ZNF704: variants seen among roughly 807,000 people sequenced by gnomAD.
ZNF704 encodes the protein glucocorticoid induced gene 1.
ZNF704 carries 10 observed loss-of-function variants against 44.7 expected under a neutral mutation model. The ratio of observed to expected loss-of-function variants is 0.22; its 90% CI spans 0.14 to 0.38. The LOEUF is 0.38. Among genes scored for constraint, ZNF704 ranks in the 10% least tolerant of loss-of-function variants. The pLI is 1.00. For missense variants in ZNF704, 390 were observed against 545.5 expected (o/e 0.71, Z 2.84); for synonymous variants, 211 against 207.6 (o/e 1.02, Z -0.14).
intron 4 of ZNF704, among the ~76,000 whole-genome samples, chr8:80,681,078 C>T (rs1818446053): frequency 2.0e-5 from 3 of 152,006 alleles, no homozygotes; most frequent in Admixed American, 2.0e-4. Flanking sequence ...TGAAGTATCC[C>T]ATTGTATGGT....
At chr8:80,846,525 G>T (rs1303394533) in intron 1 of ZNF704, among the ~76,000 whole-genome samples, 2 of 152,040 alleles carry the variant, frequency 1.3e-5, no homozygotes, top group African/African-American at 4.8e-5. Context: ...TTAAAGTCAA[G>T]CAACAGTCTT....
chr8:80,790,485 T>TAC (rs1202298812), intron 2 of ZNF704, among the ~76,000 whole-genome samples: 2 of 152,104 alleles, frequency 1.3e-5, no homozygotes, highest in African/African-American at 2.4e-5. Flanking sequence ...CCTATGTAAA[T>TAC]ACACACACAC....
intron 2 of ZNF704, among the ~76,000 whole-genome samples, chr8:80,803,322 A>C (rs1807933060): frequency 6.6e-6 from 1 of 152,212 alleles, no homozygotes; most frequent in Non-Finnish European, 1.5e-5. Context: ...TCTTCACAGA[A>C]TTAGAAAAAA....
chr8:80,698,482 A>T (rs1189954992), intron 2 of ZNF704, among the ~76,000 whole-genome samples: 1 of 152,180 alleles, frequency 6.6e-6, no homozygotes, highest in East Asian at 1.9e-4. Context: ...TCCATGCTCT[A>T]TAAGGGCTTT....
At position 80,850,801 on chromosome 8, in the gene ZNF704, G is replaced by A. The variant is rs144792122; in HGVS notation, c.-22+23770C>T. On this transcript the variant is annotated intron_variant, in intron 1 of 8. Coordinates refer to ENST00000327835, the MANE Select transcript of ZNF704 (RefSeq NM_001033723.3). Reference sequence around the variant, plus strand: ...CTATACTGCAAATACATGCATATGTGTTTGTTTCCCTTGCTTGACTGAAAC... The same window carrying A: ...CTATACTGCAAATACATGCATATGTATTTGTTTCCCTTGCTTGACTGAAAC... Among the ~76,000 whole-genome samples the A allele has an allele frequency of 1.3e-3, 203 of 152,230 alleles. 2 individuals carry two copies. Among genetic ancestry groups the A allele is most frequent in the African/African-American group, 4.0e-3 (168 of 41,528 alleles).
intron 2 of ZNF704, among the ~76,000 whole-genome samples, chr8:80,709,417 TTG>T (rs1394707318): frequency 7.8e-6 from 1 of 128,314 alleles, no homozygotes. Context: ...GCACTCCACC[TTG>T]GCAACAGTGC....
rs186964461 is a variant in ZNF704 at position 80,811,593 on chromosome 8, A to C, written c.221+9781T>G. Among the ~76,000 whole-genome samples, 284 of 152,374 alleles carry C rather than the reference A, an allele frequency of 1.9e-3. 1 individual carries two copies. Among genetic ancestry groups the C allele is most frequent in the Non-Finnish European group, 3.0e-3 (206 of 68,038 alleles). On this transcript the variant is annotated intron_variant, in intron 2 of 8. Transcript: ENST00000327835. ...CCCTCATACTGTACCAGGCACAGTT[A>C]GTGGCTATCGAAAATACCACTAGGA...
intron 7 of ZNF704, chr8:80,644,897 G>C: frequency 1.2e-6 from 1 of 858,466 alleles, no homozygotes; most frequent in Non-Finnish European, 2.0e-6. Flanking sequence ...AAGGACAGCT[G>C]TGTAAAGCTT....
chr8:80,808,210 T>A (rs1256153635), intron 2 of ZNF704, among the ~76,000 whole-genome samples: 3 of 152,244 alleles, frequency 2.0e-5, no homozygotes, highest in Non-Finnish European at 4.4e-5. Context: ...GGAAACACAC[T>A]TTCCAAGAAC....
Position 80,643,073 on chromosome 8 carries a change from C to T in ZNF704, c.1089G>A (p.Thr363=), listed in dbSNP as rs760892596. 19 of 1,604,064 alleles carry T rather than the reference C, an allele frequency of 1.2e-5. No individual in the cohort carries two copies. Among genetic ancestry groups the T allele is most frequent in the Admixed American group, 1.0e-4 (6 of 58,602 alleles). Residue 363 remains threonine, a synonymous_variant, in exon 8 of 9, where the codon ACG becomes ACA. Coordinates refer to ENST00000327835, the MANE Select transcript of ZNF704 (RefSeq NM_001033723.3). ...TGCCTCTGGGTGGGGAGGACAGGAC[C>T]GTGTGCGCATGCTGTCTCTGCTCTC... ...GTGEQRQHAH[T]VLSSPPRGTV... is the part of the protein sequence containing the mutation.
chr8:80,686,215 T>C (rs1413675312), intron 4 of ZNF704, among the ~76,000 whole-genome samples: 1 of 152,198 alleles, frequency 6.6e-6, no homozygotes, highest in Non-Finnish European at 1.5e-5. Flanking sequence ...CTAACCTGCC[T>C]GACAGGGGCC....
intron 2 of ZNF704, among the ~76,000 whole-genome samples, chr8:80,770,392 T>C (rs1460014932): frequency 4.6e-5 from 7 of 152,192 alleles, no homozygotes; most frequent in Non-Finnish European, 8.8e-5. Flanking sequence ...TTTTAATAGA[T>C]ATGTAGTGAC....
intron 2 of ZNF704, among the ~76,000 whole-genome samples, chr8:80,809,985 C>T (rs965080951): frequency 2.6e-5 from 4 of 152,162 alleles, no homozygotes; most frequent in African/African-American, 7.2e-5. Context: ...TTACTATGCT[C>T]CCTACCAGCT....
At chr8:80,805,630 T>G (rs1177239008) in intron 2 of ZNF704, among the ~76,000 whole-genome samples, 1 of 152,206 alleles carries the variant, frequency 6.6e-6, no homozygotes, top group Non-Finnish European at 1.5e-5. Flanking sequence ...AATTTGTTCA[T>G]TTGCTTTTAG....
At position 80,632,518 on chromosome 8, in the gene ZNF704, A is replaced by T. The variant is rs1326031913; in HGVS notation, c.*8848T>A. On this transcript the variant is annotated 3_prime_UTR_variant, in exon 9 of 9. Coordinates refer to ENST00000327835, the MANE Select transcript of ZNF704 (RefSeq NM_001033723.3). Reference sequence around the variant, plus strand: ...TTCTGGTTAATTTTCTGAATTAAAAATTTAGGGAAAAGGACCTAGCAAGAT... The same window carrying T: ...TTCTGGTTAATTTTCTGAATTAAAATTTTAGGGAAAAGGACCTAGCAAGAT... 1 of 152,212 alleles carries T rather than the reference A, an allele frequency of 6.6e-6. No individual in the cohort carries two copies. Among genetic ancestry groups the T allele is most frequent in the Admixed American group, 6.5e-5 (1 of 15,282 alleles). 9.4% of individuals were successfully genotyped at this position (152,212 alleles called of 1,614,324 possible).
chr8:80,791,976 A>G (rs1807716351), intron 2 of ZNF704, among the ~76,000 whole-genome samples: 1 of 152,216 alleles, frequency 6.6e-6, no homozygotes, highest in African/African-American at 2.4e-5. Context: ...AGGTGAGCTC[A>G]GTGTTGGCCC....
intron 2 of ZNF704, among the ~76,000 whole-genome samples, chr8:80,715,399 G>T (rs536484866): frequency 9.2e-5 from 14 of 152,334 alleles, no homozygotes; most frequent in Admixed American, 6.5e-4. Context: ...AGAGAGCTCA[G>T]TGCTTTGGGA....
intron 8 of ZNF704, 113 bp downstream of exon 8, chr8:80,642,922 G>T: frequency 1.6e-6 from 1 of 623,548 alleles, no homozygotes. Context: ...AGGGTGTTTT[G>T]TCAATTGTGG....
At chr8:80,813,697 T>A (rs1238449807) in intron 2 of ZNF704, among the ~76,000 whole-genome samples, 2 of 152,100 alleles carry the variant, frequency 1.3e-5, no homozygotes, top group East Asian at 3.9e-4. Context: ...CTTAACACGG[T>A]GAAACCCCGT....
Sources: allele counts gnomAD v4.1 joint callset (sites outside exome capture counted in the v4.1 genomes callset), GRCh38; gene constraint gnomAD v4.1.1; transcripts MANE v1.5; gene names NCBI Gene and HGNC (gene_info 2026-07-23, HGNC 2026-07-21).